Variants in MTOR observed in about 807,000 individuals in gnomAD.
MTOR encodes the protein mechanistic target of rapamycin kinase.
MTOR carries 70 observed loss-of-function variants against 319.8 expected under a neutral mutation model. The observed-to-expected ratio is 0.22, with a 90% CI of 0.18 to 0.27. The LOEUF (loss-of-function observed/expected upper bound fraction) is 0.27, where lower values mean the gene tolerates loss of function less well. MTOR is among the 10% of genes least tolerant of loss of function. The pLI, the probability that MTOR is intolerant of heterozygous loss-of-function variation, is 1.00. For synonymous variants in MTOR, 1,183 were observed against 1,211.4 expected (o/e 0.98, Z 0.49); for missense variants, 1,890 against 3,274.4 (o/e 0.58, Z 10.32).
chr1:11,248,528 C>G (rs1649151005), intron 6 of MTOR, among the ~76,000 whole-genome samples: 1 of 152,178 alleles, frequency 6.6e-6, no homozygotes, highest in Admixed American at 6.5e-5. Flanking sequence ...AAAACTTATG[C>G]AGGCCAGGCG....
intron 28 of MTOR, among the ~76,000 whole-genome samples, chr1:11,198,614 T>C (rs1208824462): frequency 6.6e-6 from 1 of 152,170 alleles, no homozygotes; most frequent in Non-Finnish European, 1.5e-5. Context: ...CTGATAATCA[T>C]TAGGGGAAGT....
chr1:11,156,781 G>A (rs1644331809), intron 30 of MTOR, among the ~76,000 whole-genome samples: 1 of 152,184 alleles, frequency 6.6e-6, no homozygotes, highest in Admixed American at 6.5e-5. Context: ...GGCAGTCACT[G>A]TTCTTCTTTC....
At chr1:11,241,370 T>A (rs1648003374) in intron 10 of MTOR, among the ~76,000 whole-genome samples, 183 bp downstream of exon 10, 1 of 149,064 alleles carries the variant, frequency 6.7e-6, no homozygotes, top group African/African-American at 2.5e-5. Flanking sequence ...AATAACTTAG[T>A]CAAGATCATA....
intron 23 of MTOR, 35 bp from the exon 24 acceptor site, chr1:11,210,941 A>G: frequency 1.5e-6 from 2 of 1,339,876 alleles, no homozygotes; most frequent in Non-Finnish European, 2.1e-6. Flanking sequence ...AGAAACTATC[A>G]TTTTGGAGAG....
chr1:11,142,255 C>T (rs1643748791), intron 34 of MTOR, among the ~76,000 whole-genome samples: 1 of 151,972 alleles, frequency 6.6e-6, no homozygotes. Flanking sequence ...TGGCTCATGC[C>T]TGTAATCCCA....
chr1:11,118,674 A>C (rs1642328213), intron 49 of MTOR, among the ~76,000 whole-genome samples: 1 of 146,632 alleles, frequency 6.8e-6, no homozygotes, highest in Admixed American at 6.9e-5. Flanking sequence ...GCTGAGTTAC[A>C]GATTGTGCAG....
rs2100317590 is a variant in MTOR at position 11,114,466 on chromosome 1, C to G, written c.7165-13G>C. On this transcript the variant is annotated splice_polypyrimidine_tract_variant and intron_variant, in intron 52 of 57. Transcript: ENST00000361445. ...CCAGGCCTGTAACCTAGAAATGGGA[C>G]AGAGCCACTCACCACAGGAGTTACT... 2.5e-6 allele frequency: 4 copies of G among 1,614,116 alleles called. No homozygotes were observed. Among genetic ancestry groups the G allele is most frequent in the Non-Finnish European group, 2.5e-6 (3 of 1,180,002 alleles).
At chr1:11,118,228 A>ATTTTTTTTTTTTTTT (rs771785403) in intron 49 of MTOR, among the ~76,000 whole-genome samples, 2 of 120,752 alleles carry the variant, frequency 1.7e-5, no homozygotes, top group African/African-American at 7.9e-5. Context: ...AACTTAGTTA[A>ATTTTTTTTTTTTTTT]TTTTTTTTTT....
At chr1:11,141,648 C>A (rs111748006) in intron 34 of MTOR, among the ~76,000 whole-genome samples, 8,838 of 149,972 alleles carry the variant, frequency 0.059, 370 homozygotes, top group South Asian at 0.13. Context: ...GGATTACAGG[C>A]ATGAGCCACT....
chr1:11,260,334 G>T (rs1650953344), intron 1 of MTOR, among the ~76,000 whole-genome samples: 1 of 152,212 alleles, frequency 6.6e-6, no homozygotes, highest in Non-Finnish European at 1.5e-5. Context: ...CCTGAGGTCA[G>T]GAGTTTGAGA....
intron 15 of MTOR, chr1:11,232,939 G>T: frequency 1.4e-6 from 1 of 735,230 alleles, no homozygotes; most frequent in Non-Finnish European, 2.4e-6. Flanking sequence ...CCATCATGGT[G>T]TGTGCCTGAC....
intron 1 of MTOR, among the ~76,000 whole-genome samples, chr1:11,261,299 A>G (rs1331164533): frequency 1.3e-5 from 2 of 149,466 alleles, no homozygotes; most frequent in African/African-American, 5.0e-5. Context: ...TCCCGCCTCT[A>G]CTAAAAATAC....
At chr1:11,141,810 C>T (rs1159576368) in intron 34 of MTOR, among the ~76,000 whole-genome samples, 3 of 149,526 alleles carry the variant, frequency 2.0e-5, no homozygotes, top group Non-Finnish European at 4.5e-5. Flanking sequence ...TACGGTGAAA[C>T]CCCGTCTCTA....
intron 11 of MTOR, among the ~76,000 whole-genome samples, chr1:11,239,054 G>A (rs906025333): frequency 3.3e-5 from 5 of 151,950 alleles, no homozygotes; most frequent in African/African-American, 4.8e-5. Flanking sequence ...GATTATAGGC[G>A]TAAGCCACCG....
chr1:11,195,033 GC>G (rs747345340), intron 28 of MTOR: 1 of 1,612,706 alleles, frequency 6.2e-7, no homozygotes, highest in East Asian at 2.2e-5. Context: ...AAAGGAGGCT[GC>G]CGTGGAGCAC....
chr1:11,173,437 C>T (rs1406267762), intron 28 of MTOR, among the ~76,000 whole-genome samples: 2 of 151,894 alleles, frequency 1.3e-5, no homozygotes, highest in Non-Finnish European at 2.9e-5. Flanking sequence ...CCACCACACA[C>T]ATTATTATTT....
At chr1:11,225,640 T>A (rs1006820550) in intron 19 of MTOR, among the ~76,000 whole-genome samples, 2 of 152,094 alleles carry the variant, frequency 1.3e-5, no homozygotes, top group African/African-American at 4.8e-5. Context: ...CAGGCTGGAG[T>A]TGAACTCCGA....
chr1:11,106,912 G>C lies in MTOR; in HGVS notation c.*573C>G. On this transcript the variant is annotated 3_prime_UTR_variant, in exon 58 of 58. Coordinates refer to ENST00000361445, the MANE Select transcript of MTOR (RefSeq NM_004958.4). ...AAGCGTGTGAGTCGCAGCATCACTG[G>C]GTCTGATGGAAGACAGACCTTTTGT... 2 of 1,367,980 alleles carry C rather than the reference G, an allele frequency of 1.5e-6. No individual in the cohort carries two copies. The highest frequency in any genetic ancestry group is 9.6e-7 in the Non-Finnish European group (1 of 1,037,740). 84.7% of individuals were successfully genotyped at this position (1,367,980 alleles called of 1,614,324 possible).
intron 28 of MTOR, among the ~76,000 whole-genome samples, chr1:11,176,979 A>C (rs1645012899): frequency 6.6e-6 from 1 of 152,156 alleles, no homozygotes; most frequent in Admixed American, 6.6e-5. Context: ...AGCAAAATGA[A>C]AACATCTGAA....
Sources: allele counts gnomAD v4.1 joint callset (sites outside exome capture counted in the v4.1 genomes callset), GRCh38; gene constraint gnomAD v4.1.1; transcripts MANE v1.5; gene names NCBI Gene and HGNC (gene_info 2026-07-23, HGNC 2026-07-21).